PEX14: variants seen among roughly 807,000 people sequenced by gnomAD.
PEX14 encodes the protein peroxisomal biogenesis factor 14.
A neutral mutation model predicts 49.5 loss-of-function variants in PEX14; 15 were observed. The ratio of observed to expected loss-of-function variants is 0.30; its 90% CI spans 0.20 to 0.47. The LOEUF (loss-of-function observed/expected upper bound fraction) is 0.47. Ranked by LOEUF, PEX14 falls within the 20% of genes least tolerant of loss-of-function variation. The pLI, the probability that PEX14 is intolerant of heterozygous loss-of-function variation, is 1.00. For missense variants in PEX14, 398 were observed against 494.8 expected (o/e 0.80, Z 1.86); for synonymous variants, 210 against 212.7 (o/e 0.99, Z 0.11).
chr1:10,555,069 T>C (rs1639446652), intron 3 of PEX14, among the ~76,000 whole-genome samples: 1 of 152,098 alleles, frequency 6.6e-6, no homozygotes, highest in Non-Finnish European at 1.5e-5. Flanking sequence ...AATCACATGC[T>C]GGCCATCGCG....
chr1:10,506,191 C>T (rs1042027126), intron 2 of PEX14, among the ~76,000 whole-genome samples: 4 of 152,160 alleles, frequency 2.6e-5, no homozygotes, highest in Non-Finnish European at 5.9e-5. Flanking sequence ...TAGTTTGTCC[C>T]TAAACCTGTG....
intron 4 of PEX14, among the ~76,000 whole-genome samples, chr1:10,601,460 C>A (rs982509395): frequency 2.0e-5 from 3 of 152,128 alleles, no homozygotes; most frequent in Non-Finnish European, 4.4e-5. Flanking sequence ...TTCTCTTCTC[C>A]GGACTTGCTG....
chr1:10,566,025 C>A (rs1639794791), intron 3 of PEX14, among the ~76,000 whole-genome samples: 1 of 152,240 alleles, frequency 6.6e-6, no homozygotes, highest in Admixed American at 6.5e-5. Context: ...GACAAAAGCT[C>A]TGCCTCAGCA....
At chr1:10,507,349 G>A (rs892900540) in intron 2 of PEX14, among the ~76,000 whole-genome samples, 3 of 152,242 alleles carry the variant, frequency 2.0e-5, no homozygotes, top group Non-Finnish European at 4.4e-5. Flanking sequence ...ATCTTCAGCC[G>A]ATGCTCAGTG....
chr1:10,541,319 A>AG (rs1639003814), intron 3 of PEX14, among the ~76,000 whole-genome samples: 1 of 152,158 alleles, frequency 6.6e-6, no homozygotes, highest in Admixed American at 6.5e-5. Context: ...GAGAGCTACC[A>AG]GGGGAGACAA....
At chr1:10,626,392 C>T (rs921053447) in intron 7 of PEX14, among the ~76,000 whole-genome samples, 4 of 152,192 alleles carry the variant, frequency 2.6e-5, no homozygotes, top group African/African-American at 4.8e-5. Context: ...GTGGGTGACA[C>T]GCACTCACTC....
chr1:10,524,422 T>G (rs1638402163), intron 2 of PEX14: 1 of 953,762 alleles, frequency 1.0e-6, no homozygotes, highest in South Asian at 4.8e-5. Flanking sequence ...CTGGGAAGAA[T>G]TTGAAAGGAG....
At chr1:10,487,166 G>A (rs187899441) in intron 1 of PEX14, among the ~76,000 whole-genome samples, 1 of 152,108 alleles carries the variant, frequency 6.6e-6, no homozygotes, top group Admixed American at 6.5e-5. Flanking sequence ...TCTACTCGAT[G>A]TGTTATGCTT....
At chr1:10,563,729 G>A (rs61777209) in intron 3 of PEX14, among the ~76,000 whole-genome samples, 7,151 of 152,048 alleles carry the variant, frequency 0.047, 387 homozygotes, top group African/African-American at 0.12. Flanking sequence ...TTGAGACCAC[G>A]GTGAAACCCC....
intron 4 of PEX14, among the ~76,000 whole-genome samples, chr1:10,608,755 A>G (rs1641195263): frequency 6.6e-6 from 1 of 151,912 alleles, no homozygotes. Flanking sequence ...AAAAAAAACA[A>G]AGCTATCGAA....
chr1:10,562,919 C>G (rs56219403), intron 3 of PEX14, among the ~76,000 whole-genome samples: 2 of 147,442 alleles, frequency 1.4e-5, no homozygotes, highest in African/African-American at 5.0e-5. Flanking sequence ...TCTTTCTTTT[C>G]TTTTTTTTTA....
Position 10,627,460 on chromosome 1 carries a change from C to A in PEX14, c.677+97C>A, listed in dbSNP as rs57572959. The A allele has an allele frequency of 9.3e-4, 787 of 846,478 alleles. 5 individuals are homozygous for A. The highest frequency in any genetic ancestry group is 9.1e-3 in the African/African-American group (546 of 60,180). The allele number at this position is 846,478 out of a possible 1,614,324, so 52.4% of individuals were successfully genotyped here. A position where few individuals can be genotyped will look rare whatever the true frequency, so the allele number is the denominator to read the frequency against. On this transcript the variant is annotated intron_variant, in intron 8 of 8. Transcript: ENST00000356607. ...AGGGGCATGACGCCCACCCCCACCC[C>A]CAAGGACCCCATCTGTCTGGGCGAC... is the stretch of plus-strand genomic sequence containing the variant.
intron 3 of PEX14, among the ~76,000 whole-genome samples, chr1:10,591,830 A>G (rs188913348): frequency 3.9e-5 from 6 of 152,234 alleles, no homozygotes; most frequent in African/African-American, 1.4e-4. Context: ...CAGGCTGCCC[A>G]TGCTCCCCGC....
intron 3 of PEX14, among the ~76,000 whole-genome samples, chr1:10,563,210 C>T (rs1639703422): frequency 6.6e-6 from 1 of 150,896 alleles, no homozygotes; most frequent in Non-Finnish European, 1.5e-5. Flanking sequence ...GCCACGGCGC[C>T]TGGCCGCTGA....
At chr1:10,541,167 T>C (rs961413796) in intron 3 of PEX14, among the ~76,000 whole-genome samples, 1 of 152,198 alleles carries the variant, frequency 6.6e-6, no homozygotes, top group African/African-American at 2.4e-5. Context: ...GAGAGGACAG[T>C]GGGCAAAATG....
In PEX14 at chr1:10,507,763, A is replaced by T. The variant is rs72869155; in HGVS notation, c.84+12442A>T. Among the ~76,000 whole-genome samples the T allele has an allele frequency of 7.5e-3, 1,140 of 152,346 alleles. 16 individuals carry two copies. The highest frequency in any genetic ancestry group is 0.026 in the African/African-American group (1,074 of 41,582). ...AATCCGCATAAGTAAAGAAAATACA[A>T]TATCCAGGATCTTTTATTTCTACTT... is the stretch of plus-strand genomic sequence containing the variant. On this transcript the variant is annotated intron_variant, in intron 2 of 8. Coordinates refer to ENST00000356607, the MANE Select transcript of PEX14 (RefSeq NM_004565.3).
chr1:10,522,311 C>T (rs1317414116), intron 2 of PEX14, among the ~76,000 whole-genome samples: 1 of 152,164 alleles, frequency 6.6e-6, no homozygotes, highest in East Asian at 1.9e-4. Context: ...AAAAGTGGAT[C>T]AATTAATATT....
Position 10,623,222 on chromosome 1 carries a change from C to T in PEX14, c.487+101C>T. The T allele has an allele frequency of 2.7e-6, 2 of 753,998 alleles. No homozygotes were observed. Among genetic ancestry groups the T allele is most frequent in the East Asian group, 2.7e-5 (1 of 37,668 alleles). The allele number at this position is 753,998 out of a possible 1,614,324, so 46.7% of individuals were successfully genotyped here. A position where few individuals can be genotyped will look rare whatever the true frequency, so the allele number is the denominator to read the frequency against. On this transcript the variant is annotated intron_variant, in intron 6 of 8. Transcript: ENST00000356607. This position sits in a 1 kb window ranked among gnomAD's most constrained non-coding sequence, Gnocchi z 4.4. ...CCTCTGTCTCCACTCTATGTGGTGA[C>T]TTCATTTATCTGCTCTGAGAATCTG... is the stretch of plus-strand genomic sequence containing the variant.
chr1:10,505,906 C>T (rs1241334813), intron 2 of PEX14, among the ~76,000 whole-genome samples: 1 of 152,156 alleles, frequency 6.6e-6, no homozygotes, highest in Non-Finnish European at 1.5e-5. Flanking sequence ...GTCTTGAACT[C>T]CTGGCCTCAA....
Sources: gnomAD v4.1 joint callset for allele counts (sites outside exome capture counted in the v4.1 genomes callset) on GRCh38, gnomAD v4.1.1 for gene constraint, Gnocchi (gnomAD v3.1) non-coding constraint, MANE v1.5 for transcripts, NCBI Gene and HGNC (gene_info 2026-07-23, HGNC 2026-07-21) for gene names.